The following CDHR3 variants were observed in gnomAD, a reference collection of about 807,000 sequenced individuals.
CDHR3 encodes the protein cadherin-related family member 3.
A neutral mutation model predicts 86.6 loss-of-function variants in CDHR3; 79 were observed. The observed-to-expected ratio is 0.91, with a 90% CI of 0.76 to 1.10. The LOEUF is 1.10. Among genes scored for constraint, CDHR3 ranks in the 50% least tolerant of loss-of-function variants. CDHR3 has a pLI of 0.00. For missense variants in CDHR3, 1,081 were observed against 1,077.6 expected (o/e 1.00, Z -0.04); for synonymous variants, 421 against 402.4 (o/e 1.05, Z -0.55).
At chr7:106,017,129 A>C (rs1276660920) in intron 11 of CDHR3, among the ~76,000 whole-genome samples, 2 of 152,244 alleles carry the variant, frequency 1.3e-5, no homozygotes, top group Non-Finnish European at 2.9e-5. Context: ...AGAGCAATTC[A>C]TGCTCATTAT....
At position 106,030,212 on chromosome 7, in the gene CDHR3, G is replaced by T. The variant is rs1323821199; in HGVS notation, c.2305-580G>T. Among the ~76,000 whole-genome samples, 1 of 152,194 alleles carries T rather than the reference G, an allele frequency of 6.6e-6. No homozygotes were observed. The highest frequency in any genetic ancestry group is 1.5e-5 in the Non-Finnish European group (1 of 68,034). The stretch of plus-strand genomic sequence containing the variant: ...ATTAGGCAGAAGTCAGGTCCTGGAG[G>T]GTGGCACCAAGGACAGATCAGGGAA... On this transcript the variant is annotated intron_variant, in intron 17 of 18. Coordinates refer to ENST00000317716, the MANE Select transcript of CDHR3 (RefSeq NM_152750.5). The surrounding 1 kb of genome is among the most constrained non-coding windows in gnomAD (Gnocchi z 4.8).
chr7:105,989,067 C>G (rs566244442), intron 4 of CDHR3, among the ~76,000 whole-genome samples: 2 of 152,298 alleles, frequency 1.3e-5, no homozygotes, highest in South Asian at 2.1e-4. Flanking sequence ...TTGGTTCCCC[C>G]TTCCTGGGCA....
intron 15 of CDHR3, among the ~76,000 whole-genome samples, chr7:106,024,918 T>C (rs7782355): frequency 0.02 from 3,115 of 152,268 alleles, 54 homozygotes; most frequent in African/African-American, 0.045. Flanking sequence ...CTCTTATTTG[T>C]AGAATATTTA....
Position 105,963,331 on chromosome 7 carries a change from A to G in CDHR3, c.13A>G (p.Ile5Val). Residue 5 changes from isoleucine to valine, a missense_variant, in exon 1 of 19, where the codon ATC becomes GTC. Coordinates refer to ENST00000317716, the MANE Select transcript of CDHR3 (RefSeq NM_152750.5). MQEA[I>V]ILLALLGAMS... Reference sequence around the variant, plus strand: ...GTGACCATCAAGTATGCAGGAAGCAATCATTCTCCTGGCTCTCCTGGGTGC... The same window carrying G: ...GTGACCATCAAGTATGCAGGAAGCAGTCATTCTCCTGGCTCTCCTGGGTGC... The G allele has an allele frequency of 6.2e-7, 1 of 1,614,016 alleles. No individual in the cohort carries two copies. Among genetic ancestry groups the G allele is most frequent in the African/African-American group, 1.3e-5 (1 of 75,066 alleles).
In CDHR3 at chr7:106,033,126, T is replaced by C. The variant is rs1838621805; in HGVS notation, c.*429T>C. 2 of 166,140 alleles carry C rather than the reference T, an allele frequency of 1.2e-5. No homozygotes were observed. Among genetic ancestry groups the C allele is most frequent in the South Asian group, 3.3e-4 (2 of 6,020 alleles). The allele number at this position is 166,140 out of a possible 1,614,324, so 10.3% of individuals were successfully genotyped here. A position where few individuals can be genotyped will look rare whatever the true frequency, so the allele number is the denominator to read the frequency against. ...CTCGTTTTAACATCACCCAGATTTCTTCAGTTATAAATATGCCATACACCT... is the reference window on the plus strand; with the variant it reads ...CTCGTTTTAACATCACCCAGATTTCCTCAGTTATAAATATGCCATACACCT... On this transcript the variant is annotated 3_prime_UTR_variant, in exon 19 of 19. Transcript: ENST00000317716.
chr7:106,034,598 A>T lies in CDHR3; in HGVS notation c.*1901A>T, dbSNP rs1838758308. ...TGAATGGATTTAAACTTTGCAAAAG[A>T]AGGCAGAACTGTTCATTTATGCAGG... On this transcript the variant is annotated 3_prime_UTR_variant, in exon 19 of 19. Coordinates refer to ENST00000317716, the MANE Select transcript of CDHR3 (RefSeq NM_152750.5). Among the ~76,000 whole-genome samples the T allele has an allele frequency of 6.6e-6, 1 of 152,254 alleles. No individual in the cohort carries two copies. Among genetic ancestry groups the T allele is most frequent in the Admixed American group, 6.5e-5 (1 of 15,284 alleles).
rs367719305 is a variant in CDHR3 at position 106,032,754 on chromosome 7, A to G, written c.*57A>G. The G allele has an allele frequency of 9.9e-6, 15 of 1,517,082 alleles. No homozygotes were observed. The African/African-American group carries it at 1.8e-4, about 18-fold the overall frequency. 94.0% of individuals were successfully genotyped at this position (1,517,082 alleles called of 1,614,324 possible). A position where few individuals can be genotyped will look rare whatever the true frequency, so the allele number is the denominator to read the frequency against. On this transcript the variant is annotated 3_prime_UTR_variant, in exon 19 of 19. Coordinates refer to ENST00000317716, the MANE Select transcript of CDHR3 (RefSeq NM_152750.5). ...GAGATGCTGCCTCACCCTAAATTCTATGGGGATGGTGTGGGCATGGTGTAG... is the reference window on the plus strand; with the variant it reads ...GAGATGCTGCCTCACCCTAAATTCTGTGGGGATGGTGTGGGCATGGTGTAG...
chr7:106,024,485 C>T lies in CDHR3; in HGVS notation c.2181C>T (p.Leu727=), dbSNP rs368155894. 1.1e-5 allele frequency: 18 copies of T among 1,613,946 alleles called. No individual in the cohort carries two copies. The highest frequency in any genetic ancestry group is 6.7e-5 in the African/African-American group (5 of 74,944). Residue 727 remains leucine (L), a synonymous_variant, in exon 15 of 19, where the codon CTC becomes CTT. Coordinates refer to ENST00000317716, the MANE Select transcript of CDHR3 (RefSeq NM_152750.5). ...TLGSILLLGL[L]VYLVVLLAKA... is the part of the protein sequence containing the mutation. ...GCTCCATATTGCTTCTGGGTCTCCT[C>T]GTGTACCTGGTCGTCCTATTGGCCA...
intron 4 of CDHR3, among the ~76,000 whole-genome samples, chr7:105,990,526 G>A (rs1330944265): frequency 6.6e-6 from 1 of 152,178 alleles, no homozygotes; most frequent in African/African-American, 2.4e-5. Flanking sequence ...CAACATATTT[G>A]TAACTTGCCA....
chr7:105,986,853 G>A (rs1299261853), intron 4 of CDHR3, among the ~76,000 whole-genome samples: 2 of 151,836 alleles, frequency 1.3e-5, no homozygotes, highest in African/African-American at 4.8e-5. Flanking sequence ...AGAAAGAGTG[G>A]GCTTCCTGCT....
Position 105,969,834 on chromosome 7 carries a change from C to T in CDHR3, c.47-5010C>T, listed in dbSNP as rs374271832. 8.5e-4 allele frequency among the ~76,000 whole-genome samples: 129 copies of T among 152,208 alleles called. 1 individual carries two copies. Among genetic ancestry groups the T allele is most frequent in the African/African-American group, 3.0e-3 (123 of 41,538 alleles). On this transcript the variant is annotated intron_variant, in intron 1 of 18. Coordinates refer to ENST00000317716, the MANE Select transcript of CDHR3 (RefSeq NM_152750.5). ...TGTAATAAAACTGTAGATTTATAAG[C>T]ATTGTCACTTGGGTCCCATGAGTCT...
chr7:106,004,782 C>A, intron 8 of CDHR3, 95 bp downstream of exon 8: 1 of 1,216,556 alleles, frequency 8.2e-7, no homozygotes, highest in Non-Finnish European at 1.2e-6. Context: ...GAATTATAAG[C>A]ATTTGGAGAA....
intron 8 of CDHR3, among the ~76,000 whole-genome samples, chr7:106,012,180 A>G (rs1474481743): frequency 6.6e-6 from 1 of 152,160 alleles, no homozygotes; most frequent in Non-Finnish European, 1.5e-5. Flanking sequence ...GCCCTCATAG[A>G]GTTTACTTTC....
chr7:106,013,975 T>G (rs1196295935), intron 9 of CDHR3, among the ~76,000 whole-genome samples: 2 of 152,202 alleles, frequency 1.3e-5, no homozygotes, highest in Non-Finnish European at 2.9e-5. Flanking sequence ...TATTATTTTT[T>G]TAAGAGACCA....
intron 1 of CDHR3, among the ~76,000 whole-genome samples, chr7:105,964,264 C>CT (rs1563217989): frequency 1.3e-5 from 2 of 151,914 alleles, no homozygotes; most frequent in East Asian, 3.9e-4. Context: ...TTTACTTTTT[C>CT]TTTTTTTACA....
intron 9 of CDHR3, among the ~76,000 whole-genome samples, chr7:106,014,019 G>C (rs973592706): frequency 6.6e-6 from 1 of 152,098 alleles, no homozygotes; most frequent in Non-Finnish European, 1.5e-5. Flanking sequence ...GGAGTGCAGT[G>C]GTTCAATCAT....
At chr7:106,023,999 AT>A (rs557979967) in intron 14 of CDHR3, among the ~76,000 whole-genome samples, 3 of 152,254 alleles carry the variant, frequency 2.0e-5, no homozygotes, top group South Asian at 4.2e-4. Context: ...CCTACAAGGC[AT>A]TTAAAAAAAC....
chr7:106,002,720 G>A (rs114525607), intron 7 of CDHR3, among the ~76,000 whole-genome samples: 2,821 of 152,238 alleles, frequency 0.019, 90 homozygotes, highest in African/African-American at 0.063. Flanking sequence ...AGCCACTTAC[G>A]TAATTTCAAA....
chr7:106,025,837 G>A (rs1032903304), intron 15 of CDHR3, among the ~76,000 whole-genome samples: 1 of 152,090 alleles, frequency 6.6e-6, no homozygotes, highest in African/African-American at 2.4e-5. Flanking sequence ...ATTAAAAAAG[G>A]CATTTTTGTT....
Sources: allele counts gnomAD v4.1 joint callset (sites outside exome capture counted in the v4.1 genomes callset), GRCh38; gene constraint gnomAD v4.1.1; non-coding constraint Gnocchi (gnomAD v3.1); transcripts MANE v1.5; gene names NCBI Gene and HGNC (gene_info 2026-07-23, HGNC 2026-07-21).